Variants in AGTPBP1 observed in about 807,000 individuals in gnomAD.
AGTPBP1 encodes the protein ATP/GTP binding carboxypeptidase 1.
A neutral mutation model predicts 143.9 loss-of-function variants in AGTPBP1; 70 were observed. The ratio of observed to expected loss-of-function variants is 0.49; its 90% CI spans 0.40 to 0.59. AGTPBP1 has a LOEUF of 0.59. Ranked by LOEUF, AGTPBP1 falls within the 20% of genes least tolerant of loss-of-function variation. The pLI is 0.00. For missense variants in AGTPBP1, 1,229 were observed against 1,464.5 expected (o/e 0.84, Z 2.62); for synonymous variants, 463 against 500.2 (o/e 0.93, Z 0.99).
chr9:85,631,963 T>G (rs1831707101), intron 14 of AGTPBP1, among the ~76,000 whole-genome samples: 1 of 152,200 alleles, frequency 6.6e-6, no homozygotes, highest in African/African-American at 2.4e-5. Flanking sequence ...AATCCTGTAC[T>G]TTTATCTATT....
chr9:85,581,733 T>G (rs965398733), intron 23 of AGTPBP1, among the ~76,000 whole-genome samples: 3 of 152,218 alleles, frequency 2.0e-5, no homozygotes, highest in African/African-American at 7.2e-5. Flanking sequence ...CATATTTCCA[T>G]AGCATCATAT....
chr9:85,628,790 C>T (rs151158855), intron 14 of AGTPBP1, among the ~76,000 whole-genome samples: 193 of 152,200 alleles, frequency 1.3e-3, no homozygotes, highest in African/African-American at 4.4e-3. Flanking sequence ...CTCAGCTCAC[C>T]GCAACCTCTG....
At chr9:85,706,545 T>C (rs1416967529) in intron 2 of AGTPBP1, among the ~76,000 whole-genome samples, 1 of 137,180 alleles carries the variant, frequency 7.3e-6, no homozygotes, top group Admixed American at 7.4e-5. Context: ...AGAAAAGAAA[T>C]AGTAAGATCA....
chr9:85,796,775 T>C, the AGTPBP1 span, among the ~76,000 whole-genome samples: 1 of 152,156 alleles, frequency 6.6e-6, no homozygotes, highest in African/African-American at 2.4e-5. Context: ...CTACTGTGTA[T>C]GCACAAAAAT....
At chr9:85,664,268 T>C (rs1229562191) in intron 8 of AGTPBP1, among the ~76,000 whole-genome samples, 1 of 152,152 alleles carries the variant, frequency 6.6e-6, no homozygotes, top group Non-Finnish European at 1.5e-5. Context: ...TTTAGCCATA[T>C]ATCCAAGACC....
At chr9:85,646,113 G>A (rs1235451688) in intron 12 of AGTPBP1, among the ~76,000 whole-genome samples, 1 of 152,136 alleles carries the variant, frequency 6.6e-6, no homozygotes, top group African/African-American at 2.4e-5. Flanking sequence ...TGGTCAGAGA[G>A]AGTGAAAATA....
the AGTPBP1 span, among the ~76,000 whole-genome samples, chr9:85,769,656 T>A: frequency 6.6e-6 from 1 of 152,104 alleles, no homozygotes; most frequent in Non-Finnish European, 1.5e-5. Context: ...TAACATTTCA[T>A]AGGAATCTTA....
the AGTPBP1 span, among the ~76,000 whole-genome samples, chr9:85,783,995 A>G: frequency 6.6e-6 from 1 of 152,206 alleles, no homozygotes; most frequent in Non-Finnish European, 1.5e-5. Context: ...GCATTCTCCA[A>G]TTGCAGAAAA....
intron 25 of AGTPBP1, among the ~76,000 whole-genome samples, chr9:85,568,830 C>T (rs912901705): frequency 6.6e-6 from 1 of 152,136 alleles, no homozygotes; most frequent in Non-Finnish European, 1.5e-5. Flanking sequence ...ACATGAGCAT[C>T]TGGGTGGACA....
intron 17 of AGTPBP1, among the ~76,000 whole-genome samples, chr9:85,609,409 G>A (rs999086451): frequency 1.3e-5 from 2 of 151,316 alleles, no homozygotes; most frequent in Non-Finnish European, 2.9e-5. Flanking sequence ...TCCTGCCTCA[G>A]CCTCCCAGGT....
At chr9:85,779,173 A>C in the AGTPBP1 span, among the ~76,000 whole-genome samples, 4 of 141,428 alleles carry the variant, frequency 2.8e-5, no homozygotes, top group Non-Finnish European at 4.5e-5. Context: ...AACTAATAGG[A>C]GATATATAGA....
intron 1 of AGTPBP1, among the ~76,000 whole-genome samples, chr9:85,720,812 T>G (rs1029537881): frequency 1.3e-5 from 2 of 152,194 alleles, no homozygotes; most frequent in Non-Finnish European, 2.9e-5. Flanking sequence ...GTGTTGTAAA[T>G]TTTTCTCTAC....
Position 85,575,368 on chromosome 9 carries a change from G to A in AGTPBP1, c.3450C>T (p.Ser1150=), listed in dbSNP as rs1277075921. ...AATCATTTTCAAAGTCAAGCAGGCT[G>A]GAAGGCAGATTATACTCCAATGGAG... ...LTSPLEYNLP[S]SLLDFENDLI... The change falls in exon 25 of 26, where the codon TCC becomes TCT. Residue 1150 remains serine (S), a synonymous_variant. Transcript: ENST00000357081. The A allele has an allele frequency of 6.2e-6, 10 of 1,605,552 alleles. No individual in the cohort carries two copies. The highest frequency in any genetic ancestry group is 1.1e-5 in the South Asian group (1 of 88,814).
intron 14 of AGTPBP1, among the ~76,000 whole-genome samples, chr9:85,622,125 T>G (rs930336223): frequency 2.6e-5 from 4 of 152,206 alleles, no homozygotes; most frequent in Non-Finnish European, 5.9e-5. Flanking sequence ...CTACTTCTCA[T>G]GTAAAATTTA....
At chr9:85,598,160 G>T (rs1829418764) in intron 17 of AGTPBP1, among the ~76,000 whole-genome samples, 1 of 151,274 alleles carries the variant, frequency 6.6e-6, no homozygotes, top group African/African-American at 2.4e-5. Flanking sequence ...ATCGCTTTTG[G>T]TATTTCTCTC....
intron 17 of AGTPBP1, among the ~76,000 whole-genome samples, chr9:85,605,074 A>G (rs1829910875): frequency 6.6e-6 from 1 of 152,198 alleles, no homozygotes; most frequent in African/African-American, 2.4e-5. Context: ...AAGTTTATTC[A>G]AAGGGATAAT....
intron 4 of AGTPBP1, among the ~76,000 whole-genome samples, chr9:85,678,890 T>C (rs1685273452): frequency 6.6e-6 from 1 of 152,228 alleles, no homozygotes; most frequent in South Asian, 2.1e-4. Context: ...TGCACCTTGA[T>C]ATTTTACATA....
chr9:85,713,957 C>T (rs1459041293), intron 1 of AGTPBP1, among the ~76,000 whole-genome samples: 1 of 152,104 alleles, frequency 6.6e-6, no homozygotes, highest in Non-Finnish European at 1.5e-5. Flanking sequence ...TACGTGATTT[C>T]AAAAGCACTG....
the AGTPBP1 span, chr9:85,781,407 A>G: frequency 3.4e-6 from 5 of 1,470,840 alleles, no homozygotes; most frequent in Non-Finnish European, 4.5e-6. Context: ...CTGTTTCTCT[A>G]GCATTTGGTG....
Sources: gnomAD v4.1 joint callset for allele counts (sites outside exome capture counted in the v4.1 genomes callset) on GRCh38, gnomAD v4.1.1 for gene constraint, MANE v1.5 for transcripts, NCBI Gene and HGNC (gene_info 2026-07-23, HGNC 2026-07-21) for gene names.